Variants in RIMS2 observed in about 807,000 individuals in gnomAD.
RIMS2 encodes regulating synaptic membrane exocytosis protein 2.
RIMS2 carries 59 observed loss-of-function variants against 174.4 expected under a neutral mutation model. The ratio of observed to expected loss-of-function variants is 0.34; its 90% CI spans 0.27 to 0.42. RIMS2 has a LOEUF of 0.42. Ranked by LOEUF, RIMS2 falls within the 10% of genes least tolerant of loss-of-function variation. The pLI is 1.00. For missense variants in RIMS2, 1,620 were observed against 1,666.3 expected, an observed-to-expected ratio of 0.97 and a Z score of 0.48; for synonymous variants, 606 against 572.5, an observed-to-expected ratio of 1.06 and a Z score of -0.84.
intron 15 of RIMS2, among the ~76,000 whole-genome samples, chr8:103,974,877 A>G (rs2093279254): frequency 6.6e-6 from 1 of 152,192 alleles, no homozygotes. Context: ...CCGTTTACAC[A>G]TCTACTACAA....
chr8:103,600,288 G>A (rs2094669363), intron 1 of RIMS2, among the ~76,000 whole-genome samples: 1 of 145,518 alleles, frequency 6.9e-6, no homozygotes, highest in Admixed American at 6.7e-5. Context: ...TCTTTTTTCT[G>A]AGACAGAGTC....
intron 17 of RIMS2, among the ~76,000 whole-genome samples, chr8:103,996,974 A>G (rs1565753045): frequency 6.6e-6 from 1 of 151,860 alleles, no homozygotes; most frequent in East Asian, 1.9e-4. Context: ...GAGGTTTGAA[A>G]ATCAATGTCT....
At chr8:103,914,343 G>T (rs972251733) in intron 6 of RIMS2, among the ~76,000 whole-genome samples, 1 of 152,090 alleles carries the variant, frequency 6.6e-6, no homozygotes, top group Non-Finnish European at 1.5e-5. Context: ...ACGTGAAACC[G>T]GACAAATAAA....
At position 103,885,907 on chromosome 8, in the gene RIMS2, C is replaced by T. The variant is rs760095691; in HGVS notation, c.1308C>T (p.Pro436=). ...CCACAAACCATAGTCCTCCTACCCC[C>T]AGGAGGAGTCCACTACCCATAGATA... is the stretch of plus-strand genomic sequence containing the variant. The change falls in exon 4 of 24, where the codon CCC becomes CCT. Residue 436 remains proline, a synonymous_variant. Transcript: ENST00000504942. The T allele has an allele frequency of 6.2e-6, 10 of 1,612,350 alleles. No homozygotes were observed. The South Asian group carries it at 8.8e-5, about 14-fold the overall frequency.
intron 2 of RIMS2, among the ~76,000 whole-genome samples, chr8:103,715,587 G>A (rs912836112): frequency 4.6e-5 from 7 of 151,920 alleles, no homozygotes; most frequent in African/African-American, 1.5e-4. Context: ...CACTGTTATC[G>A]TTACTTTATG....
intron 3 of RIMS2, among the ~76,000 whole-genome samples, chr8:103,789,145 G>A (rs551362032): frequency 7.9e-5 from 12 of 152,176 alleles, no homozygotes; most frequent in Non-Finnish European, 1.5e-4. Context: ...CACGGTGCGC[G>A]CACCCACTGA....
chr8:104,246,696 G>A (rs1210578653), intron 20 of RIMS2, among the ~76,000 whole-genome samples: 1 of 152,080 alleles, frequency 6.6e-6, no homozygotes, highest in East Asian at 1.9e-4. Flanking sequence ...AAGATCTGAA[G>A]GAATTTAGTG....
At chr8:104,148,498 T>C (rs1358951109) in intron 19 of RIMS2, 109 bp from the exon 25 acceptor site, 1 of 1,072,780 alleles carries the variant, frequency 9.3e-7, no homozygotes, top group Non-Finnish European at 1.3e-6. Context: ...AAAAATATAT[T>C]CCATAGATGA....
intron 15 of RIMS2, among the ~76,000 whole-genome samples, chr8:103,961,541 T>C (rs1275002023): frequency 6.6e-6 from 1 of 152,142 alleles, no homozygotes; most frequent in African/African-American, 2.4e-5. Flanking sequence ...TTAAAATTGT[T>C]TTTATATGAA....
chr8:104,051,230 C>A (rs866075654), intron 19 of RIMS2, among the ~76,000 whole-genome samples: 1 of 151,910 alleles, frequency 6.6e-6, no homozygotes, highest in Admixed American at 6.6e-5. Flanking sequence ...TGCAGCAAGA[C>A]CCTGTCTCAA....
At position 103,585,685 on chromosome 8, in the gene RIMS2, G is replaced by A. The variant is rs1431484695; in HGVS notation, c.176+84623G>A. Among the ~76,000 whole-genome samples, 15 of 151,894 alleles carry A rather than the reference G, an allele frequency of 9.9e-5. No homozygotes were observed. In the East Asian group the frequency reaches 2.7e-3, roughly 28 times the overall value. ...TAAGTGGGAGTTGAACAATGAAAAT[G>A]CATGAACACAGTGAGGGGAACGTCA... On this transcript the variant is annotated intron_variant, in intron 1 of 23. Coordinates refer to ENST00000504942, the Ensembl canonical transcript of RIMS2.
intron 1 of RIMS2, among the ~76,000 whole-genome samples, chr8:103,693,129 T>C (rs796071617): frequency 6.6e-6 from 1 of 152,294 alleles, no homozygotes; most frequent in African/African-American, 2.4e-5. Context: ...GTGGCTGAGT[T>C]CTGCCTGATG....
chr8:103,769,600 A>G (rs2098225692), intron 3 of RIMS2, among the ~76,000 whole-genome samples: 1 of 152,206 alleles, frequency 6.6e-6, no homozygotes, highest in Non-Finnish European at 1.5e-5. Context: ...TGTTGGGATT[A>G]CAGGCGTGAG....
intron 1 of RIMS2, among the ~76,000 whole-genome samples, chr8:103,688,591 G>C (rs187047858): frequency 1.4e-3 from 212 of 152,038 alleles, no homozygotes; most frequent in African/African-American, 4.9e-3. Context: ...TTATTTTCTG[G>C]CTTTAGTATC....
intron 3 of RIMS2, among the ~76,000 whole-genome samples, chr8:103,836,554 A>T (rs1405014341): frequency 6.6e-6 from 1 of 152,158 alleles, no homozygotes; most frequent in African/African-American, 2.4e-5. Flanking sequence ...TGGCAGACTG[A>T]GACCCCATCT....
At chr8:103,544,090 A>C (rs993287076) in intron 1 of RIMS2, among the ~76,000 whole-genome samples, 5 of 152,248 alleles carry the variant, frequency 3.3e-5, no homozygotes, top group Admixed American at 6.5e-5. Context: ...TATCCAGAAT[A>C]TATTAGGAAG....
At chr8:103,607,947 T>C (rs1588889598) in intron 1 of RIMS2, among the ~76,000 whole-genome samples, 2 of 144,372 alleles carry the variant, frequency 1.4e-5, no homozygotes, top group South Asian at 2.2e-4. Flanking sequence ...TTGGTCTGAA[T>C]GTCCTCCCAT....
chr8:103,870,682 A>G (rs1419092689), intron 3 of RIMS2, among the ~76,000 whole-genome samples: 1 of 151,400 alleles, frequency 6.6e-6, no homozygotes, highest in Non-Finnish European at 1.5e-5. Flanking sequence ...GTTAATGTTT[A>G]TTTTTTTCTT....
chr8:104,155,641 T>C (rs1473516978), intron 19 of RIMS2, among the ~76,000 whole-genome samples: 2 of 136,078 alleles, frequency 1.5e-5, no homozygotes, highest in East Asian at 2.3e-4. Flanking sequence ...TCTTGATCTC[T>C]TGACCTGGTG....
Sources: gnomAD v4.1 joint callset for allele counts (sites outside exome capture counted in the v4.1 genomes callset) on GRCh38, gnomAD v4.1.1 for gene constraint, MANE v1.5 for transcripts, NCBI Gene and HGNC (gene_info 2026-07-23, HGNC 2026-07-21) for gene names.